The following VDAC1 variants were observed in gnomAD, a reference collection of about 807,000 sequenced individuals.
VDAC1 encodes the protein non-selective voltage-gated ion channel VDAC1.
Under a neutral mutation model 34.7 loss-of-function variants are expected in VDAC1, and 10 were observed. The observed-to-expected ratio is 0.29, with a 90% confidence interval of 0.18 to 0.49. VDAC1 has a LOEUF of 0.49. Among genes scored for constraint, VDAC1 ranks in the 20% least tolerant of loss-of-function variants. The pLI is 0.99. For synonymous variants in VDAC1, 130 were observed against 136.0 expected (o/e 0.96, Z 0.30); for missense variants, 230 against 347.9 (o/e 0.66, Z 2.69).
chr5:134,034,187 A>T, the VDAC1 span, among the ~76,000 whole-genome samples: 2 of 152,282 alleles, frequency 1.3e-5, no homozygotes, highest in African/African-American at 2.4e-5. Context: ...GCGCAAAAAA[A>T]AAAAATAAAA....
At chr5:134,021,145 C>T in the VDAC1 span, among the ~76,000 whole-genome samples, 1 of 151,690 alleles carries the variant, frequency 6.6e-6, no homozygotes, top group Admixed American at 6.6e-5. Flanking sequence ...GCTGTGATTG[C>T]ACCACTGCAC....
the VDAC1 span, among the ~76,000 whole-genome samples, chr5:134,015,325 A>G: frequency 6.6e-6 from 1 of 152,104 alleles, no homozygotes; most frequent in East Asian, 1.9e-4. Context: ...CATGCAATAT[A>G]CCCTTGTAAC....
chr5:134,113,824 A>G, the VDAC1 span, among the ~76,000 whole-genome samples: 1 of 152,228 alleles, frequency 6.6e-6, no homozygotes, highest in African/African-American at 2.4e-5. Flanking sequence ...GCCAGGGTCA[A>G]CTTCAGAGTC....
At chr5:134,071,005 C>A in the VDAC1 span, among the ~76,000 whole-genome samples, 1 of 152,200 alleles carries the variant, frequency 6.6e-6, no homozygotes, top group South Asian at 2.1e-4. The surrounding 1 kb of genome is among the most constrained non-coding windows in gnomAD (Gnocchi z 4.1). Flanking sequence ...TTCCCAGGGG[C>A]GTAAACCCCG....
the VDAC1 span, among the ~76,000 whole-genome samples, chr5:134,030,209 G>A: frequency 1.3e-5 from 2 of 151,978 alleles, no homozygotes; most frequent in Non-Finnish European, 2.9e-5. Context: ...GCGTGGTGGT[G>A]CTTGACTGTA....
At chr5:134,017,163 G>A in the VDAC1 span, among the ~76,000 whole-genome samples, 1 of 152,140 alleles carries the variant, frequency 6.6e-6, no homozygotes, top group Non-Finnish European at 1.5e-5. Context: ...TTCATAGCTT[G>A]TAGCAATTTA....
the VDAC1 span, among the ~76,000 whole-genome samples, chr5:134,058,741 A>G: frequency 6.6e-6 from 1 of 152,210 alleles, no homozygotes; most frequent in African/African-American, 2.4e-5. Flanking sequence ...GGAGCCTATC[A>G]TTCCCAGGGA....
chr5:134,048,048 A>G, the VDAC1 span, among the ~76,000 whole-genome samples: 1 of 151,850 alleles, frequency 6.6e-6, no homozygotes, highest in Non-Finnish European at 1.5e-5. Context: ...TAGTTCTGCA[A>G]GCTCCGCCTC....
chr5:134,097,930 C>T, the VDAC1 span, among the ~76,000 whole-genome samples: 1 of 151,916 alleles, frequency 6.6e-6, no homozygotes, highest in Admixed American at 6.5e-5. Context: ...AGTGCAACGG[C>T]AAGATCTCGG....
the VDAC1 span, among the ~76,000 whole-genome samples, chr5:134,082,719 T>C: frequency 6.6e-6 from 1 of 152,214 alleles, no homozygotes; most frequent in Non-Finnish European, 1.5e-5. Flanking sequence ...CCTGGTATGG[T>C]CAGTTCGGGT....
the VDAC1 span, among the ~76,000 whole-genome samples, chr5:134,037,502 C>A: frequency 6.6e-6 from 1 of 152,218 alleles, no homozygotes; most frequent in Non-Finnish European, 1.5e-5. Flanking sequence ...TCTTAACATT[C>A]TTTTCTGCTG....
At chr5:133,984,957 TA>T (rs898847612) in intron 5 of VDAC1, among the ~76,000 whole-genome samples, 4 of 152,090 alleles carry the variant, frequency 2.6e-5, no homozygotes, top group Non-Finnish European at 5.9e-5. Flanking sequence ...AATAAAAATT[TA>T]AAAAGTAAAG....
chr5:134,071,562 C>T, the VDAC1 span, among the ~76,000 whole-genome samples: 1 of 152,268 alleles, frequency 6.6e-6, no homozygotes, highest in South Asian at 2.1e-4. This position sits in a 1 kb window ranked among gnomAD's most constrained non-coding sequence, Gnocchi z 4.1. Context: ...ACCAGCTTCA[C>T]CCAGACCAAA....
chr5:134,109,973 C>A, the VDAC1 span, among the ~76,000 whole-genome samples: 1 of 152,168 alleles, frequency 6.6e-6, no homozygotes, highest in Non-Finnish European at 1.5e-5. Flanking sequence ...GGCCACTCCA[C>A]GTTTGCCTTC....
At chr5:134,103,190 C>T in the VDAC1 span, among the ~76,000 whole-genome samples, 1 of 152,180 alleles carries the variant, frequency 6.6e-6, no homozygotes, top group Non-Finnish European at 1.5e-5. Flanking sequence ...GGTGCAATCT[C>T]AGCTAACTGT....
In VDAC1 at chr5:133,981,924, CT is replaced by C. The variant is rs145901471; in HGVS notation, c.324-969del. On this transcript the variant is annotated intron_variant, in intron 5 of 8. Coordinates refer to ENST00000265333, the MANE Select transcript of VDAC1 (RefSeq NM_003374.3). The stretch of plus-strand genomic sequence containing the variant: ...ACTACACAGCACTGTTCACTTCTAG[CT>C]TTATTCACATTGAGATTAATGCTTC... Among the ~76,000 whole-genome samples, 4 of 152,320 alleles carry C rather than the reference CT, an allele frequency of 2.6e-5. No homozygotes were observed. The East Asian group carries it at 7.7e-4, about 29-fold the overall frequency.
the VDAC1 span, among the ~76,000 whole-genome samples, chr5:134,112,014 C>T: frequency 2.0e-5 from 3 of 152,150 alleles, no homozygotes; most frequent in Non-Finnish European, 4.4e-5. Context: ...ACATAGTAAT[C>T]ACTCAGTATA....
chr5:134,011,308 C>G, the VDAC1 span, among the ~76,000 whole-genome samples: 38 of 152,206 alleles, frequency 2.5e-4, no homozygotes, highest in Non-Finnish European at 4.1e-4. Flanking sequence ...CCCCTCTGCC[C>G]TCTTTTTAAT....
At chr5:134,047,695 G>C in the VDAC1 span, among the ~76,000 whole-genome samples, 5 of 152,152 alleles carry the variant, frequency 3.3e-5, no homozygotes, top group African/African-American at 9.7e-5. Flanking sequence ...TGTTTTTTCT[G>C]TTTTCCTTTT....
Sources: gnomAD v4.1 joint callset for allele counts (sites outside exome capture counted in the v4.1 genomes callset) on GRCh38, gnomAD v4.1.1 for gene constraint, Gnocchi (gnomAD v3.1) non-coding constraint, MANE v1.5 for transcripts, NCBI Gene and HGNC (gene_info 2026-07-23, HGNC 2026-07-21) for gene names.